The following ZFP3 variants were observed in gnomAD, a reference collection of about 807,000 sequenced individuals.
ZFP3 encodes the protein ZFP3 zinc finger protein.
A neutral mutation model predicts 36.7 loss-of-function variants in ZFP3; 18 were observed. That is an observed-to-expected ratio of 0.49 (90% confidence interval 0.34 to 0.73). The LOEUF is 0.73. Ranked by LOEUF, ZFP3 falls within the 30% of genes least tolerant of loss-of-function variation. ZFP3 has a pLI of 0.01. For missense variants in ZFP3, 495 were observed against 599.0 expected, an observed-to-expected ratio of 0.83 and a Z score of 1.81; for synonymous variants, 218 against 199.0, an observed-to-expected ratio of 1.10 and a Z score of -0.81.
chr17:5,086,587 CTTTT>C (rs11392105), intron 1 of ZFP3, among the ~76,000 whole-genome samples: 1 of 142,446 alleles, frequency 7.0e-6, no homozygotes. Flanking sequence ...CTTTCATCCA[CTTTT>C]TTTTTTTTTT....
Position 5,078,503 on chromosome 17 carries a change from G to A in ZFP3, c.-81G>A, listed in dbSNP as rs1469500485. The A allele has an allele frequency of 6.6e-6, 1 of 152,288 alleles. No individual in the cohort carries two copies. The highest frequency in any genetic ancestry group is 2.4e-5 in the African/African-American group (1 of 41,452). 9.4% of individuals were successfully genotyped at this position (152,288 alleles called of 1,614,324 possible). A position where few individuals can be genotyped will look rare whatever the true frequency, so the allele number is the denominator to read the frequency against. Reference sequence around the variant, plus strand: ...CCAGTGACACCGGGACAACAGCTGCGGGCTCTGTGCGAGCGGCCCAGCAGC... The same window carrying A: ...CCAGTGACACCGGGACAACAGCTGCAGGCTCTGTGCGAGCGGCCCAGCAGC... On this transcript the variant is annotated 5_prime_UTR_variant, in exon 1 of 2. Transcript: ENST00000318833. The surrounding 1 kb of genome is among the most constrained non-coding windows in gnomAD (Gnocchi z 4.5).
Position 5,093,607 on chromosome 17 carries a change from C to G in ZFP3, c.*594C>G, listed in dbSNP as rs369304927. 8 of 52,470 alleles carry G rather than the reference C, an allele frequency of 1.5e-4. No individual in the cohort carries two copies. In the East Asian group the frequency reaches 3.8e-3, roughly 25 times the overall value. 3.3% of individuals were successfully genotyped at this position (52,470 alleles called of 1,614,324 possible). ...AAGTCATAATTTAGAAGACACACCT[C>G]ATTCTCCTGTCCACTGTTTAGCATT... On this transcript the variant is annotated 3_prime_UTR_variant, in exon 2 of 2. Transcript: ENST00000318833.
intron 1 of ZFP3, among the ~76,000 whole-genome samples, chr17:5,087,259 G>A (rs2072126585): frequency 6.6e-6 from 1 of 151,390 alleles, no homozygotes; most frequent in Non-Finnish European, 1.5e-5. Context: ...TTTTTAATTT[G>A]TAGAGATGGG....
chr17:5,085,509 C>T (rs2072116385), intron 1 of ZFP3, among the ~76,000 whole-genome samples: 1 of 152,076 alleles, frequency 6.6e-6, no homozygotes, highest in Non-Finnish European at 1.5e-5. Context: ...GCTGGGACTA[C>T]AAGCGCCCGC....
chr17:5,088,776 A>G (rs1326955551), intron 1 of ZFP3, among the ~76,000 whole-genome samples: 2 of 152,190 alleles, frequency 1.3e-5, no homozygotes, highest in Admixed American at 6.5e-5. Context: ...TTCAGCCACT[A>G]AACGACCACG....
intron 1 of ZFP3, among the ~76,000 whole-genome samples, chr17:5,081,960 C>G (rs1316042025): frequency 6.7e-6 from 1 of 148,752 alleles, no homozygotes; most frequent in Non-Finnish European, 1.5e-5. Context: ...GCCTGTAATC[C>G]TAGCACTTTT....
chr17:5,089,571 G>A (rs1221306812), intron 1 of ZFP3, among the ~76,000 whole-genome samples: 1 of 152,184 alleles, frequency 6.6e-6, no homozygotes, highest in African/African-American at 2.4e-5. Context: ...ATAAGGCAAT[G>A]GGGAATAATA....
Position 5,092,058 on chromosome 17 carries a change from G to T in ZFP3, c.554G>T (p.Arg185Leu), listed in dbSNP as rs548058522. The T allele has an allele frequency of 1.9e-6, 3 of 1,614,012 alleles. No homozygotes were observed. The African/African-American group carries it at 4.0e-5, about 22-fold the overall frequency. ...ACATTTGGAACTAATTCAAGCCTTCGACGGCACCTGAGAATTCATGCTGGA... is the reference window on the plus strand; with the variant it reads ...ACATTTGGAACTAATTCAAGCCTTCTACGGCACCTGAGAATTCATGCTGGA... ...GKTFGTNSSL[R>L]RHLRIHAGEK... Residue 185 changes from arginine to leucine, a missense_variant, in exon 2 of 2, where the codon CGA (arginine) becomes CTA (leucine). By Grantham distance (102) the Arg-to-Leu change is moderately radical. Transcript: ENST00000318833. This position sits in a 1 kb window ranked among gnomAD's most constrained non-coding sequence, Gnocchi z 5.0.
rs2072144326 is a variant in ZFP3 at position 5,090,513 on chromosome 17, A to G, written c.-8-984A>G. ...CGGTACTTCTGTGCTAGTTATAGCT[A>G]AGACACATTAATCTTTTGAAGAGGT... On this transcript the variant is annotated intron_variant, in intron 1 of 1. Coordinates refer to ENST00000318833, the MANE Select transcript of ZFP3 (RefSeq NM_153018.3). Among the ~76,000 whole-genome samples the G allele has an allele frequency of 3.3e-5, 5 of 152,312 alleles. No individual in the cohort carries two copies. The South Asian group carries it at 6.2e-4, about 19-fold the overall frequency.
In ZFP3 at chr17:5,096,027, C is replaced by T. The variant is rs987606408; in HGVS notation, c.*3014C>T. ...AGGTACATATACGCAAATCCTTAAC[C>T]TCAATTCTCTGTCCTCTTCATGTCT... is the stretch of plus-strand genomic sequence containing the variant. On this transcript the variant is annotated 3_prime_UTR_variant, in exon 2 of 2. Transcript: ENST00000318833. 1 of 166,988 alleles carries T rather than the reference C, an allele frequency of 6.0e-6. No individual in the cohort carries two copies. Among genetic ancestry groups the T allele is most frequent in the Non-Finnish European group, 1.5e-5 (1 of 68,106 alleles). The allele number at this position is 166,988 out of a possible 1,614,324, so 10.3% of individuals were successfully genotyped here.
At chr17:5,079,308 G>T (rs1182005244) in intron 1 of ZFP3, among the ~76,000 whole-genome samples, 1 of 152,108 alleles carries the variant, frequency 6.6e-6, no homozygotes, top group East Asian at 1.9e-4. Flanking sequence ...GATCACTTGA[G>T]CACAGGAGTT....
intron 1 of ZFP3, among the ~76,000 whole-genome samples, chr17:5,090,865 C>T (rs988234335): frequency 3.3e-5 from 5 of 151,982 alleles, no homozygotes; most frequent in Non-Finnish European, 7.4e-5. Context: ...GACAGGGTTT[C>T]GCCATGTTGC....
Position 5,092,123 on chromosome 17 carries a change from A to G in ZFP3, c.619A>G (p.Ile207Val). The G allele has an allele frequency of 6.2e-7, 1 of 1,614,216 alleles. No homozygotes were observed. The change falls in exon 2 of 2, where the codon ATT becomes GTT. Residue 207 changes from isoleucine (I) to valine (V), a missense_variant. Coordinates refer to ENST00000318833, the MANE Select transcript of ZFP3 (RefSeq NM_153018.3). This position sits in a 1 kb window ranked among gnomAD's most constrained non-coding sequence, Gnocchi z 5.0. Reference protein sequence around the residue: ...FACNECGKAFIQSSHLIHHHR... With the variant: ...FACNECGKAFVQSSHLIHHHR... ...TTGTAATGAATGTGGAAAGGCCTTC[A>G]TTCAGAGTTCACACCTTATTCACCA... is the stretch of plus-strand genomic sequence containing the variant.
In ZFP3 at chr17:5,091,633, A is replaced by G; in HGVS notation, c.129A>G (p.Glu43=). The G allele has an allele frequency of 1.2e-6, 2 of 1,614,234 alleles. No individual in the cohort carries two copies. The highest frequency in any genetic ancestry group is 1.7e-6 in the Non-Finnish European group (2 of 1,180,042). ...GTCATGAGTTTGGAGCAGGATGTGA[A>G]GAAGACATGTTGGAGGGACATTCGA... ...YQGHEFGAGC[E]EDMLEGHSRE... Residue 43 remains glutamate (E), a synonymous_variant, in exon 2 of 2, where the codon GAA becomes GAG. Transcript: ENST00000318833.
At chr17:5,085,188 C>G (rs571540711) in intron 1 of ZFP3, among the ~76,000 whole-genome samples, 86 of 152,064 alleles carry the variant, frequency 5.7e-4, no homozygotes, top group Non-Finnish European at 1.0e-3. Context: ...TACAGGTGCA[C>G]ACCACCATGC....
Position 5,093,066 on chromosome 17 carries a change from T to G in ZFP3, c.*53T>G, listed in dbSNP as rs112119667. The G allele has an allele frequency of 1.3e-6, 2 of 1,505,864 alleles. No individual in the cohort carries two copies. The highest frequency in any genetic ancestry group is 8.9e-7 in the Non-Finnish European group (1 of 1,125,932). The allele number at this position is 1,505,864 out of a possible 1,614,324, so 93.3% of individuals were successfully genotyped here. On this transcript the variant is annotated 3_prime_UTR_variant, in exon 2 of 2. Coordinates refer to ENST00000318833, the MANE Select transcript of ZFP3 (RefSeq NM_153018.3). ...AAAAGCTAAAGTCCAACTTATTCAT[T>G]TGTTCATAATATGCAAATATGCACC...
chr17:5,078,495 A>T lies in ZFP3; in HGVS notation c.-89A>T, dbSNP rs900116014. On this transcript the variant is annotated 5_prime_UTR_variant, in exon 1 of 2. Coordinates refer to ENST00000318833, the MANE Select transcript of ZFP3 (RefSeq NM_153018.3). This position sits in a 1 kb window ranked among gnomAD's most constrained non-coding sequence, Gnocchi z 4.5. ...GCCCGTCGCCAGTGACACCGGGACA[A>T]CAGCTGCGGGCTCTGTGCGAGCGGC... 1.3e-5 allele frequency: 2 copies of T among 152,316 alleles called. No homozygotes were observed. The highest frequency in any genetic ancestry group is 2.9e-5 in the Non-Finnish European group (2 of 68,108). The allele number at this position is 152,316 out of a possible 1,614,324, so 9.4% of individuals were successfully genotyped here.
chr17:5,093,820 C>T lies in ZFP3; in HGVS notation c.*807C>T, dbSNP rs1391792981. The T allele has an allele frequency of 7.7e-4, 128 of 167,026 alleles. No homozygotes were observed. Among genetic ancestry groups the T allele is most frequent in the Non-Finnish European group, 1.3e-4 (9 of 68,130 alleles). The allele number at this position is 167,026 out of a possible 1,614,324, so 10.3% of individuals were successfully genotyped here. A position where few individuals can be genotyped will look rare whatever the true frequency, so the allele number is the denominator to read the frequency against. On this transcript the variant is annotated 3_prime_UTR_variant, in exon 2 of 2. Coordinates refer to ENST00000318833, the MANE Select transcript of ZFP3 (RefSeq NM_153018.3). Reference sequence around the variant, plus strand: ...TTTACAACGGGATTATAAGTGAAGGCCTTAGAATCCAGAGGGGCCGATTAG... The same window carrying T: ...TTTACAACGGGATTATAAGTGAAGGTCTTAGAATCCAGAGGGGCCGATTAG...
At chr17:5,086,392 TC>T (rs907576016) in intron 1 of ZFP3, among the ~76,000 whole-genome samples, 3 of 152,136 alleles carry the variant, frequency 2.0e-5, no homozygotes, top group Admixed American at 2.0e-4. Context: ...CCTTTCCCCT[TC>T]CCTTACCACA....
Sources: allele counts gnomAD v4.1 joint callset (sites outside exome capture counted in the v4.1 genomes callset), GRCh38; gene constraint gnomAD v4.1.1; non-coding constraint Gnocchi (gnomAD v3.1); transcripts MANE v1.5; gene names NCBI Gene and HGNC (gene_info 2026-07-23, HGNC 2026-07-21).